ZNF407: variants seen among roughly 807,000 people sequenced by gnomAD.
ZNF407 encodes zinc finger protein 407.
In ZNF407, 17 loss-of-function variants were observed where a neutral mutation model predicts 131.2. The observed-to-expected ratio is 0.13, with a 90% CI of 0.09 to 0.19. The LOEUF is 0.19. Ranked by LOEUF, ZNF407 falls within the 10% of genes least tolerant of loss-of-function variation. ZNF407 has a pLI of 1.00. For synonymous variants in ZNF407, 1,156 were observed against 1,062.0 expected, an observed-to-expected ratio of 1.09 and a Z score of -1.72; for missense variants, 2,681 against 2,830.6, an observed-to-expected ratio of 0.95 and a Z score of 1.20.
At position 74,868,679 on chromosome 18, in the gene ZNF407, C is replaced by T. The variant is rs188010384; in HGVS notation, c.4878-8518C>T. ...CCTGGGCCCCAGAGCTTGTCTCAGTCGCTGCTGTTTCCATCACACCACTTG... is the reference window on the plus strand; with the variant it reads ...CCTGGGCCCCAGAGCTTGTCTCAGTTGCTGCTGTTTCCATCACACCACTTG... On this transcript the variant is annotated intron_variant, in intron 4 of 8. Coordinates refer to ENST00000299687, the MANE Select transcript of ZNF407 (RefSeq NM_017757.3). 2.5e-3 allele frequency among the ~76,000 whole-genome samples: 378 copies of T among 152,346 alleles called. 1 individual carries two copies. The highest frequency in any genetic ancestry group is 4.7e-3 in the Non-Finnish European group (318 of 68,036).
Position 74,735,411 on chromosome 18 carries a change from T to C in ZNF407, c.4803-46017T>C, listed in dbSNP as rs559381282. Among the ~76,000 whole-genome samples, 6 of 152,352 alleles carry C rather than the reference T, an allele frequency of 3.9e-5. No individual in the cohort carries two copies. In the East Asian group the frequency reaches 1.2e-3, roughly 29 times the overall value. On this transcript the variant is annotated intron_variant, in intron 3 of 8. Transcript: ENST00000299687. ...GATAATTCATTTCAGTTGGGAGAAC[T>C]GTAAGCCATGATACATGATTTTCCT...
intron 8 of ZNF407, among the ~76,000 whole-genome samples, chr18:74,954,081 C>A (rs1340398668): frequency 6.6e-6 from 1 of 152,180 alleles, no homozygotes; most frequent in Non-Finnish European, 1.5e-5. Flanking sequence ...GACTTAATTT[C>A]TATTGACTTT....
chr18:74,771,515 C>T (rs1969359479), intron 3 of ZNF407, among the ~76,000 whole-genome samples: 1 of 148,162 alleles, frequency 6.7e-6, no homozygotes, highest in East Asian at 2.0e-4. Flanking sequence ...TGTATTTCAT[C>T]TTATATGTTA....
intron 4 of ZNF407, among the ~76,000 whole-genome samples, chr18:74,798,876 G>A (rs1969969903): frequency 2.6e-5 from 4 of 151,920 alleles, no homozygotes; most frequent in Admixed American, 2.0e-4. Flanking sequence ...CAGAATCTTT[G>A]GATTTTATGT....
At chr18:74,874,632 A>G (rs1315214900) in intron 4 of ZNF407, among the ~76,000 whole-genome samples, 1 of 152,156 alleles carries the variant, frequency 6.6e-6, no homozygotes, top group Admixed American at 6.5e-5. Flanking sequence ...CTGCATTTCC[A>G]GTTGTCACCT....
intron 4 of ZNF407, among the ~76,000 whole-genome samples, chr18:74,846,580 G>A (rs1468384879): frequency 1.3e-5 from 2 of 151,584 alleles, no homozygotes; most frequent in Admixed American, 6.6e-5. Context: ...CAGGTGATCC[G>A]CCTGCCTTGG....
chr18:75,041,461 ACACACACACT>A (rs978918172), intron 8 of ZNF407, among the ~76,000 whole-genome samples: 19 of 152,262 alleles, frequency 1.2e-4, no homozygotes, highest in African/African-American at 4.3e-4. Flanking sequence ...TCTCTCTCAC[ACACACACACT>A]CACACACACA....
At chr18:74,875,206 C>T (rs1971139530) in intron 4 of ZNF407, among the ~76,000 whole-genome samples, 2 of 152,056 alleles carry the variant, frequency 1.3e-5, no homozygotes, top group Non-Finnish European at 2.9e-5. Context: ...TTTTAAGTGC[C>T]AGAATGAGCT....
At chr18:74,955,174 G>A (rs1350328980) in intron 8 of ZNF407, among the ~76,000 whole-genome samples, 1 of 152,142 alleles carries the variant, frequency 6.6e-6, no homozygotes, top group Admixed American at 6.5e-5. Context: ...GATGGGCTGA[G>A]CTGCAGAAGT....
Position 74,633,599 on chromosome 18 carries a change from T to C in ZNF407, c.2580T>C (p.Ser860=), listed in dbSNP as rs775020295. 2.5e-6 allele frequency: 4 copies of C among 1,614,056 alleles called. No individual in the cohort carries two copies. Among genetic ancestry groups the C allele is most frequent in the Non-Finnish European group, 3.4e-6 (4 of 1,179,902 alleles). The part of the protein sequence containing the change: ...RTCSHCGLLA[S]SITNLTVHIR... ...GTTCACACTGTGGCCTTTTGGCCTCTAGTATTACAAACTTGACTGTTCACA... is the reference window on the plus strand; with the variant it reads ...GTTCACACTGTGGCCTTTTGGCCTCCAGTATTACAAACTTGACTGTTCACA... Residue 860 remains serine, a synonymous_variant, in exon 2 of 9, where the codon TCT becomes TCC. Coordinates refer to ENST00000299687, the MANE Select transcript of ZNF407 (RefSeq NM_017757.3).
chr18:74,943,527 C>T (rs989086352), intron 8 of ZNF407, among the ~76,000 whole-genome samples: 1 of 152,140 alleles, frequency 6.6e-6, no homozygotes, highest in Non-Finnish European at 1.5e-5. Flanking sequence ...ATGCAAATAG[C>T]GATAGACTTT....
chr18:74,883,068 G>A (rs1242133884), intron 6 of ZNF407, among the ~76,000 whole-genome samples: 3 of 152,182 alleles, frequency 2.0e-5, no homozygotes, highest in Non-Finnish European at 4.4e-5. Flanking sequence ...CAGGAAGCCT[G>A]CACTGAGCTG....
intron 8 of ZNF407, among the ~76,000 whole-genome samples, chr18:74,966,338 G>A (rs970777765): frequency 1.3e-5 from 2 of 152,114 alleles, no homozygotes; most frequent in East Asian, 1.9e-4. Flanking sequence ...TTTGATTTTT[G>A]TATATGGTGA....
chr18:74,973,178 A>T (rs563209732), intron 8 of ZNF407, among the ~76,000 whole-genome samples: 1 of 152,258 alleles, frequency 6.6e-6, no homozygotes, highest in South Asian at 2.1e-4. Flanking sequence ...TACATAACTT[A>T]TCACAGTCTG....
At chr18:74,875,826 G>T (rs548937791) in intron 4 of ZNF407, among the ~76,000 whole-genome samples, 1 of 152,160 alleles carries the variant, frequency 6.6e-6, no homozygotes, top group Admixed American at 6.5e-5. Context: ...TAATATTAAT[G>T]AAGCATTTAA....
chr18:74,989,221 C>T (rs1039981919), intron 8 of ZNF407, among the ~76,000 whole-genome samples: 15 of 152,174 alleles, frequency 9.9e-5, no homozygotes, highest in East Asian at 1.9e-4. Flanking sequence ...TACTACTCTA[C>T]GATTCAATTT....
chr18:74,713,853 A>G (rs1174955119), intron 3 of ZNF407, among the ~76,000 whole-genome samples: 1 of 152,194 alleles, frequency 6.6e-6, no homozygotes, highest in African/African-American at 2.4e-5. Flanking sequence ...TTCTTTCTAA[A>G]TGACAACTAA....
chr18:74,645,393 G>A (rs1984924857), intron 3 of ZNF407, among the ~76,000 whole-genome samples: 1 of 151,992 alleles, frequency 6.6e-6, no homozygotes, highest in Non-Finnish European at 1.5e-5. Context: ...GCATGATTTA[G>A]GAGTTGCATT....
intron 4 of ZNF407, among the ~76,000 whole-genome samples, chr18:74,808,553 G>A (rs1020641295): frequency 2.6e-5 from 4 of 152,104 alleles, no homozygotes; most frequent in Admixed American, 2.6e-4. Flanking sequence ...GCTAGAATAA[G>A]GGAAAGTCTA....
Sources: gnomAD v4.1 joint callset for allele counts (sites outside exome capture counted in the v4.1 genomes callset) on GRCh38, gnomAD v4.1.1 for gene constraint, MANE v1.5 for transcripts, NCBI Gene and HGNC (gene_info 2026-07-23, HGNC 2026-07-21) for gene names.